WDFY3: variants seen among roughly 807,000 people sequenced by gnomAD.
WDFY3 encodes the protein WD repeat and FYVE domain containing 3, also known as WD repeat and FYVE domain-containing protein 3.
In WDFY3, 66 loss-of-function variants were observed where a neutral mutation model predicts 409.6. The ratio of observed to expected loss-of-function variants is 0.16; its 90% confidence interval spans 0.13 to 0.20. WDFY3 has a LOEUF of 0.20. WDFY3 is among the 10% of genes least tolerant of loss of function. The pLI is 1.00. For synonymous variants in WDFY3, 1,521 were observed against 1,537.1 expected (o/e 0.99, Z 0.25); for missense variants, 3,031 against 4,298.1 (o/e 0.71, Z 8.24).
chr4:84,837,147 C>T (rs1756689162), intron 6 of WDFY3, 57 bp from the exon 7 acceptor site: 1 of 1,331,030 alleles, frequency 7.5e-7, no homozygotes, highest in Non-Finnish European at 9.8e-7. Context: ...ATTGGTACAG[C>T]CAAATAATTC....
chr4:84,682,067 C>G (rs10049510), intron 64 of WDFY3, among the ~76,000 whole-genome samples: 1 of 152,216 alleles, frequency 6.6e-6, no homozygotes, highest in Admixed American at 6.5e-5. Context: ...AACAGCACGC[C>G]CTCTAGGTCT....
chr4:84,931,474 T>C (rs2150960734), intron 2 of WDFY3, among the ~76,000 whole-genome samples: 1 of 152,286 alleles, frequency 6.6e-6, no homozygotes, highest in East Asian at 1.9e-4. Context: ...AACAGCAATG[T>C]GATGATAGCT....
intron 3 of WDFY3, among the ~76,000 whole-genome samples, chr4:84,891,261 T>G (rs891446721): frequency 6.6e-6 from 1 of 152,216 alleles, no homozygotes; most frequent in Non-Finnish European, 1.5e-5. Context: ...ACTAATGCCA[T>G]GTAATAAGTA....
At chr4:84,844,336 A>T in intron 5 of WDFY3, 17 of 623,384 alleles carry the variant, frequency 2.7e-5, no homozygotes, top group Non-Finnish European at 4.0e-5. Flanking sequence ...AGCCCTAAAC[A>T]CCCTTGCCCC....
At chr4:84,868,793 C>A (rs1345284997) in intron 3 of WDFY3, among the ~76,000 whole-genome samples, 1 of 152,082 alleles carries the variant, frequency 6.6e-6, no homozygotes, top group Non-Finnish European at 1.5e-5. Context: ...CTAATAGAAG[C>A]CCTAAAGGTA....
chr4:84,806,036 C>T (rs970329911), intron 15 of WDFY3, among the ~76,000 whole-genome samples: 9 of 152,134 alleles, frequency 5.9e-5, no homozygotes, highest in African/African-American at 1.4e-4. Context: ...ATCACAACCT[C>T]AAAACGTCCT....
At chr4:84,825,804 T>C (rs1277108069) in intron 10 of WDFY3, among the ~76,000 whole-genome samples, 3 of 152,172 alleles carry the variant, frequency 2.0e-5, no homozygotes, top group African/African-American at 7.2e-5. Context: ...GGTTAAATTT[T>C]AAATGGAAAT....
intron 1 of WDFY3, among the ~76,000 whole-genome samples, chr4:84,949,050 C>T (rs929117860): frequency 2.6e-4 from 39 of 152,208 alleles, no homozygotes; most frequent in African/African-American, 8.7e-4. Context: ...TTTTCCTCAG[C>T]GCCTGTAGTT....
At chr4:84,752,297 T>TGA (rs1451695080) in intron 35 of WDFY3, among the ~76,000 whole-genome samples, 3 of 152,120 alleles carry the variant, frequency 2.0e-5, no homozygotes, top group Non-Finnish European at 4.4e-5. Context: ...GCAGATCACC[T>TGA]GAGATCAGGA....
chr4:84,829,409 GA>G (rs1453189020), intron 8 of WDFY3, among the ~76,000 whole-genome samples: 1 of 151,998 alleles, frequency 6.6e-6, no homozygotes, highest in African/African-American at 2.4e-5. Context: ...GAAATGTGTT[GA>G]AAAATAGTTG....
At chr4:84,918,825 A>C (rs971475537) in intron 2 of WDFY3, among the ~76,000 whole-genome samples, 1 of 135,020 alleles carries the variant, frequency 7.4e-6, no homozygotes, top group African/African-American at 2.7e-5. Flanking sequence ...GTATATATAT[A>C]TAGATATATA....
intron 2 of WDFY3, among the ~76,000 whole-genome samples, chr4:84,916,224 C>A (rs191750413): frequency 6.6e-6 from 1 of 152,178 alleles, no homozygotes; most frequent in Admixed American, 6.5e-5. Flanking sequence ...TTCATCAGTT[C>A]ATCTAGTAAG....
chr4:84,934,243 G>A (rs1029397212), intron 1 of WDFY3, among the ~76,000 whole-genome samples: 2 of 152,020 alleles, frequency 1.3e-5, no homozygotes, highest in Admixed American at 6.6e-5. Context: ...ACCTCATTGC[G>A]GTTTTGATTT....
chr4:84,776,860 G>A (rs1313916259), intron 27 of WDFY3, among the ~76,000 whole-genome samples: 2 of 152,046 alleles, frequency 1.3e-5, no homozygotes, highest in African/African-American at 4.8e-5. Flanking sequence ...TAAATGATAC[G>A]ATTATGCCTT....
chr4:84,817,389 T>G lies in WDFY3; in HGVS notation c.1887+3A>C. The G allele has an allele frequency of 6.2e-7, 1 of 1,613,366 alleles. No individual in the cohort carries two copies. Among genetic ancestry groups the G allele is most frequent in the Non-Finnish European group, 8.5e-7 (1 of 1,179,492 alleles). The stretch of plus-strand genomic sequence containing the variant: ...AGAAGGGAAACACATTTATCAAACT[T>G]ACCCTTAAAATATCAGTCTTCAACT... On this transcript the variant is annotated splice_donor_region_variant and intron_variant, in intron 13 of 67. Coordinates refer to ENST00000295888, the MANE Select transcript of WDFY3 (RefSeq NM_014991.6).
Position 84,704,419 on chromosome 4 carries a change from C to T in WDFY3, c.8361G>A (p.Gly2787=), listed in dbSNP as rs1731578294. Residue 2787 remains glycine (G), a synonymous_variant, in exon 55 of 68, where the codon GGG becomes GGA. Coordinates refer to ENST00000295888, the MANE Select transcript of WDFY3 (RefSeq NM_014991.6). The part of the protein sequence containing the change: ...PNGETPAYHY[G]THYSSAMIVA... ...CAATCATTGCAGATGAATAGTGGGT[C>T]CCATAGTGGTATGCAGGAGTTTCTC... is the stretch of plus-strand genomic sequence containing the variant. The T allele has an allele frequency of 1.9e-6, 3 of 1,611,496 alleles. No individual in the cohort carries two copies. The highest frequency in any genetic ancestry group is 2.5e-6 in the Non-Finnish European group (3 of 1,178,868).
intron 50 of WDFY3, among the ~76,000 whole-genome samples, chr4:84,714,007 T>C (rs1733389811): frequency 6.6e-6 from 1 of 151,860 alleles, no homozygotes; most frequent in South Asian, 2.1e-4. Context: ...TCCCAGCTAA[T>C]TGGGAGGCTG....
chr4:84,708,882 A>G (rs1364130310), intron 53 of WDFY3, 27 bp downstream of exon 53: 3 of 1,608,814 alleles, frequency 1.9e-6, no homozygotes, highest in African/African-American at 2.7e-5. Context: ...AATGTGTTCT[A>G]CGTAAGCAAA....
At position 84,801,714 on chromosome 4, in the gene WDFY3, G is replaced by A. The variant is rs1195918735; in HGVS notation, c.2758C>T (p.His920Tyr). 1 of 1,612,570 alleles carries A rather than the reference G, an allele frequency of 6.2e-7. No individual in the cohort carries two copies. Among genetic ancestry groups the A allele is most frequent in the East Asian group, 2.2e-5 (1 of 44,846 alleles). The change falls in exon 17 of 68, where the codon CAC (histidine) becomes TAC (tyrosine). Residue 920 changes from histidine to tyrosine, a missense_variant. Transcript: ENST00000295888. ...TCAAACATCCGCTGCAGGGGCGGGT[G>A]CAGTGAGTGGTCCTCATCAGCCAAT... ...AALADEDHSL[H>Y]PPLQRMFERL... is the part of the protein sequence containing the mutation.
Sources: allele counts gnomAD v4.1 joint callset (sites outside exome capture counted in the v4.1 genomes callset), GRCh38; gene constraint gnomAD v4.1.1; transcripts MANE v1.5; gene names NCBI Gene and HGNC (gene_info 2026-07-23, HGNC 2026-07-21).